Variants in FSHR observed in about 807,000 individuals in gnomAD.
FSHR encodes the protein follicle stimulating hormone receptor, also known as follicle-stimulating hormone receptor.
A neutral mutation model predicts 52.1 loss-of-function variants in FSHR; 46 were observed. The ratio of observed to expected loss-of-function variants is 0.88; its 90% CI spans 0.70 to 1.13. FSHR has a LOEUF of 1.13. FSHR is among the 50% of genes most tolerant of loss of function. The probability of loss-of-function intolerance (pLI) is 0.00; values close to 1 mark genes in which losing one functional copy is unlikely to be tolerated. For missense variants in FSHR, 964 were observed against 834.6 expected (o/e 1.16, Z -1.91); for synonymous variants, 399 against 309.6 (o/e 1.29, Z -3.03).
chr2:49,152,043 C>A (rs1572634638), intron 1 of FSHR, among the ~76,000 whole-genome samples: 2 of 152,104 alleles, frequency 1.3e-5, no homozygotes, highest in Non-Finnish European at 2.9e-5. Flanking sequence ...CCAAGTCAAG[C>A]CCTACCAATG....
At chr2:49,123,260 G>A (rs1671881454) in intron 1 of FSHR, among the ~76,000 whole-genome samples, 2 of 152,124 alleles carry the variant, frequency 1.3e-5, no homozygotes, top group Admixed American at 1.3e-4. Context: ...TAGCACTTTG[G>A]GAGGCTGAGG....
chr2:49,127,875 TTCTTCTTCTTCTTCTTCTTCTTC>T lies in FSHR; in HGVS notation c.152+26368_152+26390del, dbSNP rs1558456968. Among the ~76,000 whole-genome samples, 181 of 48,546 alleles carry T rather than the reference TTCTTCTTCTTCTTCTTCTTCTTC, an allele frequency of 3.7e-3. 12 individuals are homozygous for T. The highest frequency in any genetic ancestry group is 9.1e-3 in the South Asian group (12 of 1,314). 31.8% of individuals were successfully genotyped at this position (48,546 alleles called of 152,430 possible). A position where few individuals can be genotyped will look rare whatever the true frequency, so the allele number is the denominator to read the frequency against. ...CTTCTTCTTCTTCTTCTTCTTCTTCTTCTTCTTCTTCTTCTTCTTCTTCTTTTTTTTTTTTGAGACGGAGTCTT... is the reference window on the plus strand; with the variant it reads ...CTTCTTCTTCTTCTTCTTCTTCTTCTTTTTTTTTTTTTGAGACGGAGTCTT... On this transcript the variant is annotated intron_variant, in intron 1 of 9. Coordinates refer to ENST00000406846, the MANE Select transcript of FSHR (RefSeq NM_000145.4).
chr2:49,125,905 C>T (rs1572777800), intron 1 of FSHR, among the ~76,000 whole-genome samples: 1 of 152,328 alleles, frequency 6.6e-6, no homozygotes, highest in Non-Finnish European at 1.5e-5. Context: ...GTTCAGTGAA[C>T]CTCTGCTATT....
chr2:49,057,206 CAA>C (rs1241822365), intron 2 of FSHR, among the ~76,000 whole-genome samples: 3 of 151,648 alleles, frequency 2.0e-5, no homozygotes, highest in African/African-American at 7.3e-5. Context: ...AATAATAACA[CAA>C]GAGATCAATG....
chr2:49,038,626 AAATAATAAT>A (rs56326531), intron 2 of FSHR, among the ~76,000 whole-genome samples: 908 of 70,604 alleles, frequency 0.013, 39 homozygotes, highest in Middle Eastern at 0.056. Context: ...CTCTGTCTCA[AAATAATAAT>A]AATAATAATA....
intron 1 of FSHR, among the ~76,000 whole-genome samples, chr2:49,153,777 A>G (rs1190019969): frequency 1.3e-5 from 2 of 152,012 alleles, no homozygotes; most frequent in African/African-American, 4.8e-5. Flanking sequence ...TACACCCAAA[A>G]GCAGAATCTC....
intron 1 of FSHR, among the ~76,000 whole-genome samples, chr2:49,069,258 G>C (rs1669637618): frequency 6.6e-6 from 1 of 151,998 alleles, no homozygotes; most frequent in Admixed American, 6.6e-5. Context: ...AAAATTCCTC[G>C]GACAAGCCAG....
At chr2:49,151,107 AG>A (rs1308600177) in intron 1 of FSHR, among the ~76,000 whole-genome samples, 1 of 150,366 alleles carries the variant, frequency 6.7e-6, no homozygotes, top group Non-Finnish European at 1.5e-5. Flanking sequence ...TAGCCCATAA[AG>A]CTGACTTCTG....
intron 2 of FSHR, among the ~76,000 whole-genome samples, chr2:49,028,999 C>A (rs1668007231): frequency 6.6e-6 from 1 of 152,196 alleles, no homozygotes; most frequent in African/African-American, 2.4e-5. Context: ...TCAGCAAATG[C>A]TTCTCACATC....
intron 9 of FSHR, among the ~76,000 whole-genome samples, chr2:48,968,102 G>C (rs1456252616): frequency 6.6e-6 from 1 of 152,148 alleles, no homozygotes; most frequent in African/African-American, 2.4e-5. Context: ...TAGCTACTAA[G>C]ACTTGTCTCT....
chr2:49,087,380 A>C lies in FSHR; in HGVS notation c.153-19090T>G, dbSNP rs573258169. ...AGCCAGAGAGGGGAGTCCAAGATGA[A>C]GAATCAGAAGCAGATATTGAAAGAG... On this transcript the variant is annotated intron_variant, in intron 1 of 9. Transcript: ENST00000406846. 3.2e-3 allele frequency among the ~76,000 whole-genome samples: 487 copies of C among 152,198 alleles called. 1 individual carries two copies. The highest frequency in any genetic ancestry group is 0.011 in the African/African-American group (471 of 41,522).
At chr2:49,143,592 C>T (rs1465997426) in intron 1 of FSHR, among the ~76,000 whole-genome samples, 1 of 151,872 alleles carries the variant, frequency 6.6e-6, no homozygotes, top group Non-Finnish European at 1.5e-5. Context: ...TCCTGAAACT[C>T]CACTGAGAAG....
intron 1 of FSHR, among the ~76,000 whole-genome samples, chr2:49,072,492 G>C (rs1669774151): frequency 6.6e-6 from 1 of 152,050 alleles, no homozygotes; most frequent in Non-Finnish European, 1.5e-5. Context: ...AAGAAAAATA[G>C]AATTGTGGAA....
intron 2 of FSHR, among the ~76,000 whole-genome samples, chr2:49,056,444 G>GAA (rs1558414908): frequency 1.4e-5 from 1 of 70,670 alleles, no homozygotes; most frequent in African/African-American, 5.6e-5. Context: ...ATTACAATTG[G>GAA]AATATATATA....
intron 1 of FSHR, among the ~76,000 whole-genome samples, chr2:49,123,100 A>G (rs1482455424): frequency 6.6e-6 from 1 of 152,130 alleles, no homozygotes; most frequent in African/African-American, 2.4e-5. Flanking sequence ...AATTTAAGAG[A>G]CTTATATACC....
intron 3 of FSHR, among the ~76,000 whole-genome samples, chr2:49,017,995 T>C (rs376652716): frequency 1.0e-4 from 15 of 146,302 alleles, no homozygotes; most frequent in African/African-American, 3.6e-4. Context: ...ATGAAAGTAA[T>C]GAAAAAGAGC....
At position 48,983,090 on chromosome 2, in the gene FSHR, C is replaced by G; in HGVS notation, c.593+8G>C. 1 of 1,613,716 alleles carries G rather than the reference C, an allele frequency of 6.2e-7. No individual in the cohort carries two copies. ...AAATGGCCTTGAAGAATAGTCAGGG[C>G]TACTTACAGCTCATCTAGTTGGGTT... On this transcript the variant is annotated splice_region_variant and intron_variant, in intron 7 of 9. Transcript: ENST00000406846.
At chr2:49,014,248 C>G (rs1301045591) in intron 4 of FSHR, among the ~76,000 whole-genome samples, 1 of 152,138 alleles carries the variant, frequency 6.6e-6, no homozygotes, top group Admixed American at 6.6e-5. Flanking sequence ...TTGTGCTTTT[C>G]TTTCCTTAGA....
At chr2:49,089,196 T>G (rs1014929659) in intron 1 of FSHR, among the ~76,000 whole-genome samples, 3 of 152,036 alleles carry the variant, frequency 2.0e-5, no homozygotes, top group Non-Finnish European at 4.4e-5. Flanking sequence ...CACCTATTCC[T>G]TAAGAACAAC....
Sources: gnomAD v4.1 joint callset for allele counts (sites outside exome capture counted in the v4.1 genomes callset) on GRCh38, gnomAD v4.1.1 for gene constraint, MANE v1.5 for transcripts, NCBI Gene and HGNC (gene_info 2026-07-23, HGNC 2026-07-21) for gene names.